The following SETD3 variants were observed in gnomAD, a reference collection of about 807,000 sequenced individuals.
SETD3 encodes SET domain containing 3, actin N3(tau)-histidine methyltransferase.
A neutral mutation model predicts 63.0 loss-of-function variants in SETD3; 19 were observed. The ratio of observed to expected loss-of-function variants is 0.30; its 90% confidence interval spans 0.21 to 0.44. SETD3 has a LOEUF of 0.44. SETD3 is among the 20% of genes least tolerant of loss of function. The pLI is 1.00. For synonymous variants in SETD3, 286 were observed against 264.1 expected, an observed-to-expected ratio of 1.08 and a Z score of -0.80; for missense variants, 587 against 728.5, an observed-to-expected ratio of 0.81 and a Z score of 2.24.
Position 99,398,502 on chromosome 14 carries a change from A to C in SETD3, c.*177T>G. The C allele has an allele frequency of 1.6e-6, 1 of 630,808 alleles. No homozygotes were observed. Among genetic ancestry groups the C allele is most frequent in the Non-Finnish European group, 2.7e-6 (1 of 375,958 alleles). 39.1% of individuals were successfully genotyped at this position (630,808 alleles called of 1,614,324 possible). A position where few individuals can be genotyped will look rare whatever the true frequency, so the allele number is the denominator to read the frequency against. The stretch of plus-strand genomic sequence containing the variant: ...GCCTAAAAGCAAGATGGCAATCTTA[A>C]TCAAAAAGGGAAGCTAGATTTTTAA... On this transcript the variant is annotated 3_prime_UTR_variant, in exon 13 of 13. Coordinates refer to ENST00000331768, the MANE Select transcript of SETD3 (RefSeq NM_032233.3).
chr14:99,405,658 G>C (rs1266925138), intron 9 of SETD3, among the ~76,000 whole-genome samples: 3 of 152,100 alleles, frequency 2.0e-5, no homozygotes, highest in Admixed American at 2.0e-4. Context: ...GACCCCAGGT[G>C]ACCTGGGGTC....
Position 99,398,468 on chromosome 14 carries a change from G to T in SETD3, c.*211C>A. Reference sequence around the variant, plus strand: ...CTTTCTTGTGGTTGTTTGTTAATTGGTTTGTTTTGCCTAAAAGCAAGATGG... The same window carrying T: ...CTTTCTTGTGGTTGTTTGTTAATTGTTTTGTTTTGCCTAAAAGCAAGATGG... On this transcript the variant is annotated 3_prime_UTR_variant, in exon 13 of 13. Coordinates refer to ENST00000331768, the MANE Select transcript of SETD3 (RefSeq NM_032233.3). The T allele has an allele frequency of 1.8e-6, 1 of 561,508 alleles. No homozygotes were observed. Among genetic ancestry groups the T allele is most frequent in the South Asian group, 2.5e-5 (1 of 39,646 alleles). 34.8% of individuals were successfully genotyped at this position (561,508 alleles called of 1,614,324 possible).
chr14:99,429,477 C>T lies in SETD3; in HGVS notation c.676-15543G>A, dbSNP rs142984955. On this transcript the variant is annotated intron_variant, in intron 6 of 12. Transcript: ENST00000331768. ...AGAAATCTAAACATAAACAGAGCAC[C>T]CCGATTCTCTTAAACGGGATGTAAG... 5.8e-3 allele frequency among the ~76,000 whole-genome samples: 881 copies of T among 152,210 alleles called. 9 individuals carry two copies. The highest frequency in any genetic ancestry group is 0.02 in the African/African-American group (845 of 41,512).
At chr14:99,410,372 T>A in intron 8 of SETD3, 1 of 1,006,368 alleles carries the variant, frequency 9.9e-7, no homozygotes, top group Admixed American at 3.0e-5. Context: ...TTTTTTTCAA[T>A]ACACAAACAG....
At position 99,404,230 on chromosome 14, in the gene SETD3, G is replaced by A. The variant is rs774269548; in HGVS notation, c.1172C>T (p.Thr391Ile). 2.5e-6 allele frequency: 4 copies of A among 1,613,466 alleles called. No homozygotes were observed. Among genetic ancestry groups the A allele is most frequent in the Admixed American group, 3.3e-5 (2 of 59,982 alleles). The change falls in exon 11 of 13, where the codon ACT becomes ATT. Residue 391 changes from threonine (T) to isoleucine (I), a missense_variant. By Grantham distance (89) the Thr-to-Ile change is moderately conservative. Transcript: ENST00000331768. ...TTTTTCCTGAAATGACTTACCTTCA[G>A]TCATACAGAATACTCGGAGAAAAGC... ...LLAFLRVFCM[T>I]EEELKEHLLG... is the part of the protein sequence containing the mutation.
intron 8 of SETD3, chr14:99,411,991 T>C (rs958580017): frequency 2.0e-5 from 3 of 152,240 alleles, no homozygotes; most frequent in African/African-American, 7.2e-5. Context: ...GTTCTGGCCA[T>C]TCCAGGGAAT....
chr14:99,409,286 A>G (rs891504963), intron 8 of SETD3, among the ~76,000 whole-genome samples: 3 of 152,222 alleles, frequency 2.0e-5, no homozygotes, highest in Non-Finnish European at 2.9e-5. Context: ...TCTAGTGGAA[A>G]AGACACAGGG....
rs1895326803 is a variant in SETD3, at chr14:99,465,637, T to G, written c.103+66A>C. 10 of 1,311,198 alleles carry G rather than the reference T, an allele frequency of 7.6e-6. No homozygotes were observed. The East Asian group carries it at 2.3e-4, about 30-fold the overall frequency. The allele number at this position is 1,311,198 out of a possible 1,614,324, so 81.2% of individuals were successfully genotyped here. A position where few individuals can be genotyped will look rare whatever the true frequency, so the allele number is the denominator to read the frequency against. ...TTGTCTGATGCACGCGTCCCCATTC[T>G]GGTGACAAAGAAGAAAAAGGCACAG... On this transcript the variant is annotated intron_variant, in intron 2 of 12. Coordinates refer to ENST00000331768, the MANE Select transcript of SETD3 (RefSeq NM_032233.3).
Position 99,405,188 on chromosome 14 carries a change from G to A in SETD3, c.1091+17C>T, listed in dbSNP as rs763579206. On this transcript the variant is annotated intron_variant, in intron 10 of 12. Transcript: ENST00000331768. The stretch of plus-strand genomic sequence containing the variant: ...CAAGTACTGCAAGAAAGGGCCAACC[G>A]ATGTTTTTCTACGTACGTGGGGATG... 5 of 1,604,842 alleles carry A rather than the reference G, an allele frequency of 3.1e-6. No homozygotes were observed. The highest frequency in any genetic ancestry group is 2.2e-5 in the East Asian group (1 of 44,780).
rs183109875 is a variant in SETD3 at position 99,406,828 on chromosome 14, T to A, written c.850-238A>T. Among the ~76,000 whole-genome samples, 599 of 152,342 alleles carry A rather than the reference T, an allele frequency of 3.9e-3. 3 individuals are homozygous for A. The highest frequency in any genetic ancestry group is 0.014 in the African/African-American group (565 of 41,580). On this transcript the variant is annotated intron_variant, in intron 8 of 12. Coordinates refer to ENST00000331768, the MANE Select transcript of SETD3 (RefSeq NM_032233.3). ...CTGAAATAAAGGAAGCACAGTTAGA[T>A]AAAGAGACTATATAGATTGTCACTT...
intron 6 of SETD3, among the ~76,000 whole-genome samples, chr14:99,451,190 T>C (rs1280378588): frequency 6.6e-6 from 1 of 152,194 alleles, no homozygotes; most frequent in South Asian, 2.1e-4. Flanking sequence ...AAACTGGTCA[T>C]CCATTTCCAA....
chr14:99,479,075 A>C (rs79272399), intron 1 of SETD3, among the ~76,000 whole-genome samples: 5,576 of 152,222 alleles, frequency 0.037, 177 homozygotes, highest in African/African-American at 0.083. Flanking sequence ...TTCAAATCCA[A>C]CACCACTCCA....
At chr14:99,480,873 G>T, upstream of SETD3, 2 of 155,174 alleles carry the variant, frequency 1.3e-5, no homozygotes, top group South Asian at 3.8e-4. Flanking sequence ...ACGGCCCCGC[G>T]ACCGCGGCCC....
At chr14:99,438,161 T>G (rs1411887035) in intron 6 of SETD3, among the ~76,000 whole-genome samples, 2 of 152,226 alleles carry the variant, frequency 1.3e-5, no homozygotes, top group African/African-American at 2.4e-5. Flanking sequence ...TTGAAATCAC[T>G]GATATATTTA....
chr14:99,437,496 T>A (rs1236275722), intron 6 of SETD3, among the ~76,000 whole-genome samples: 5 of 152,210 alleles, frequency 3.3e-5, no homozygotes, highest in African/African-American at 4.8e-5. Flanking sequence ...CTAGACTGAA[T>A]GCTCCTTGCA....
At chr14:99,429,416 G>A (rs539124384) in intron 6 of SETD3, among the ~76,000 whole-genome samples, 8 of 152,310 alleles carry the variant, frequency 5.3e-5, no homozygotes, top group South Asian at 2.1e-4. Flanking sequence ...CTGGTGAGAC[G>A]CAGGGGAAAC....
At chr14:99,441,005 A>G (rs1595210490) in intron 6 of SETD3, among the ~76,000 whole-genome samples, 1 of 152,212 alleles carries the variant, frequency 6.6e-6, no homozygotes, top group Non-Finnish European at 1.5e-5. Flanking sequence ...GAGGCCTGTG[A>G]GCAGAGTGAC....
intron 6 of SETD3, among the ~76,000 whole-genome samples, chr14:99,426,891 G>C (rs1030682330): frequency 6.6e-6 from 1 of 152,150 alleles, no homozygotes. Context: ...CGGCCAACGA[G>C]GGCAGAGGCC....
At chr14:99,462,743 T>A (rs888887971) in intron 3 of SETD3, among the ~76,000 whole-genome samples, 1 of 152,170 alleles carries the variant, frequency 6.6e-6, no homozygotes, top group African/African-American at 2.4e-5. Context: ...GAAGACTACA[T>A]GTTTAGAGAT....
Sources: gnomAD v4.1 joint callset for allele counts (sites outside exome capture counted in the v4.1 genomes callset) on GRCh38, gnomAD v4.1.1 for gene constraint, MANE v1.5 for transcripts, NCBI Gene and HGNC (gene_info 2026-07-23, HGNC 2026-07-21) for gene names.